Variants in LAMC2 observed in about 807,000 individuals in gnomAD.
The protein encoded by LAMC2 is laminin subunit gamma 2, also known as laminin subunit gamma-2.
A neutral mutation model predicts 140.2 loss-of-function variants in LAMC2; 97 were observed. That is an observed-to-expected ratio of 0.69 (90% CI 0.59 to 0.82). LAMC2 has a LOEUF of 0.82. Ranked by LOEUF, LAMC2 falls within the 40% of genes least tolerant of loss-of-function variation. The pLI, the probability that LAMC2 is intolerant of heterozygous loss-of-function variation, is 0.00. For synonymous variants in LAMC2, 513 were observed against 540.2 expected (o/e 0.95, Z 0.70); for missense variants, 1,402 against 1,476.1 (o/e 0.95, Z 0.82).
rs568351990 is a variant in LAMC2, at chr1:183,192,940, C to T, written c.79+6509C>T. ...ACGATGGTCTCAGGTCTCCTGACCTCGTGATCTGCCCGCCTCGGCCTCCCA... is the reference window on the plus strand; with the variant it reads ...ACGATGGTCTCAGGTCTCCTGACCTTGTGATCTGCCCGCCTCGGCCTCCCA... On this transcript the variant is annotated intron_variant, in intron 1 of 22. Transcript: ENST00000264144. 7.3e-4 allele frequency among the ~76,000 whole-genome samples: 111 copies of T among 152,234 alleles called. 1 individual carries two copies. Among genetic ancestry groups the T allele is most frequent in the African/African-American group, 2.3e-3 (97 of 41,536 alleles).
chr1:183,220,959 A>G lies in LAMC2; in HGVS notation c.638A>G (p.Gln213Arg). The G allele has an allele frequency of 6.2e-7, 1 of 1,614,120 alleles. No homozygotes were observed. Among genetic ancestry groups the G allele is most frequent in the South Asian group, 1.1e-5 (1 of 91,088 alleles). ...SVHKITSTFHQDVDGWKAVQR... is the reference protein window; with the variant it reads ...SVHKITSTFHRDVDGWKAVQR... ...CATAAGATCACCTCTACCTTTCATCAAGGTAAAGCCTTCTATTTTCTAGGT... is the reference window on the plus strand; with the variant it reads ...CATAAGATCACCTCTACCTTTCATCGAGGTAAAGCCTTCTATTTTCTAGGT... Residue 213 changes from glutamine (Q) to arginine (R), a missense_variant and splice_region_variant, in exon 5 of 23, where the codon CAA (glutamine) becomes CGA (arginine). Transcript: ENST00000264144.
In LAMC2 at chr1:183,222,209, C is replaced by T. The variant is rs375307364; in HGVS notation, c.761C>T (p.Pro254Leu). 1 of 1,614,076 alleles carries T rather than the reference C, an allele frequency of 6.2e-7. No homozygotes were observed. The highest frequency in any genetic ancestry group is 8.5e-7 in the Non-Finnish European group (1 of 1,179,956). Reference sequence around the variant, plus strand: ...CTAGACCCTGTCTATTTTGTGGCTCCTGGTATGTGAGGAATAATGTCTCCT... The same window carrying T: ...CTAGACCCTGTCTATTTTGTGGCTCTTGGTATGTGAGGAATAATGTCTCCT... ...QRLDPVYFVA[P>L]AKFLGNQQVS... Residue 254 changes from proline (P) to leucine (L), a missense_variant and splice_region_variant, in exon 6 of 23, where the codon CCT (proline) becomes CTT (leucine). Pro to Leu is a moderately conservative substitution (Grantham distance 98). Transcript: ENST00000264144.
chr1:183,232,086 A>G (rs914469501), intron 12 of LAMC2, 101 bp from the exon 13 acceptor site: 44 of 1,445,140 alleles, frequency 3.0e-5, no homozygotes, highest in Non-Finnish European at 4.0e-5. Flanking sequence ...CATGCTAAGC[A>G]TTTCTGGACT....
At chr1:183,213,747 C>CAAAA (rs1659149120) in intron 2 of LAMC2, among the ~76,000 whole-genome samples, 1 of 74,302 alleles carries the variant, frequency 1.3e-5, no homozygotes, top group African/African-American at 7.7e-5. Flanking sequence ...TTGCAGTGAG[C>CAAAA]CAAAAAAAAA....
intron 1 of LAMC2, among the ~76,000 whole-genome samples, chr1:183,187,366 A>G (rs561226840): frequency 6.6e-6 from 1 of 152,300 alleles, no homozygotes; most frequent in South Asian, 2.1e-4. Context: ...CCTGAATTGG[A>G]TTTGAGTGGC....
At chr1:183,240,789 C>G in intron 22 of LAMC2, 2 of 700,514 alleles carry the variant, frequency 2.9e-6, no homozygotes, top group Non-Finnish European at 3.6e-6. Flanking sequence ...ACTAGGGCAG[C>G]CGAGTGGAGG....
In LAMC2 at chr1:183,221,033, T is replaced by C. The variant is rs79397457; in HGVS notation, c.640+72T>C. 7,645 of 1,370,886 alleles carry C rather than the reference T, an allele frequency of 5.6e-3. 297 individuals are homozygous for C. The East Asian group carries it at 0.091, about 16-fold the overall frequency. 84.9% of individuals were successfully genotyped at this position (1,370,886 alleles called of 1,614,324 possible). A position where few individuals can be genotyped will look rare whatever the true frequency, so the allele number is the denominator to read the frequency against. ...GGCTTTGTGTTTAGAGACAACCACC[T>C]CCGCATTCACAGGATGGATTCTCTT... is the stretch of plus-strand genomic sequence containing the variant. On this transcript the variant is annotated intron_variant, in intron 5 of 22. Transcript: ENST00000264144.
chr1:183,253,253 T>C, the LAMC2 span, among the ~76,000 whole-genome samples: 1 of 148,038 alleles, frequency 6.8e-6, no homozygotes. Flanking sequence ...TATTTTATAA[T>C]TTATATATTA....
At chr1:183,223,052 T>C in intron 6 of LAMC2, 83 bp from the exon 7 acceptor site, 2 of 1,279,796 alleles carry the variant, frequency 1.6e-6, no homozygotes, top group South Asian at 1.2e-5. Context: ...TCAACAGAAA[T>C]TGCCGACACC....
intron 20 of LAMC2, 193 bp downstream of exon 20, chr1:183,239,756 GT>G: frequency 1.5e-6 from 1 of 647,320 alleles, no homozygotes; most frequent in Non-Finnish European, 2.7e-6. Flanking sequence ...TGTCCTCCGG[GT>G]TTTCCCAAAT....
chr1:183,188,007 G>A (rs993386798), intron 1 of LAMC2, among the ~76,000 whole-genome samples: 7 of 152,202 alleles, frequency 4.6e-5, no homozygotes, highest in South Asian at 4.2e-4. Flanking sequence ...TTAGCATTAG[G>A]GAACAAAAAT....
At chr1:183,213,378 T>C (rs1659131396) in intron 2 of LAMC2, among the ~76,000 whole-genome samples, 1 of 152,206 alleles carries the variant, frequency 6.6e-6, no homozygotes, top group African/African-American at 2.4e-5. Context: ...AGAACCGATA[T>C]CTTTATCGAT....
chr1:183,232,292 C>A lies in LAMC2; in HGVS notation c.1963C>A (p.Gln655Lys), dbSNP rs1473298117. 6.2e-7 allele frequency: 1 copy of A among 1,614,034 alleles called. No individual in the cohort carries two copies. The highest frequency in any genetic ancestry group is 2.2e-5 in the East Asian group (1 of 44,882). The change falls in exon 13 of 23, where the codon CAG (glutamine) becomes AAG (lysine). Residue 655 changes from glutamine (Q) to lysine (K), a missense_variant. Physicochemically the swap from Gln to Lys is moderately conservative, Grantham distance 53. Around this residue, in one of 3 missense-constraint regions of LAMC2, gnomAD observed 670 missense variants for 667.2 expected, o/e 1.00. Transcript: ENST00000264144. ...PDTELEGRMQ[Q>K]AEQALQDILR... is the part of the protein sequence containing the mutation. ...TACAGAGCTGGAAGGCAGGATGCAG[C>A]AGGCTGAGCAGGCCCTTCAGGACAT...
chr1:183,243,322 T>C lies in LAMC2; in HGVS notation c.3504T>C (p.Ala1168=), dbSNP rs1391819529. 6.2e-7 allele frequency: 1 copy of C among 1,614,170 alleles called. No individual in the cohort carries two copies. Among genetic ancestry groups the C allele is most frequent in the South Asian group, 1.1e-5 (1 of 91,078 alleles). Residue 1168 remains alanine, a synonymous_variant, in exon 23 of 23, where the codon GCT becomes GCC. Transcript: ENST00000264144. ...AGACAAGCATAGATGGGATTCTGGC[T>C]GATGTGAAGAACTTGGAGAACATTA... ...LLETSIDGIL[A]DVKNLENIRD...
At chr1:183,252,632 G>T in the LAMC2 span, 7 of 1,599,308 alleles carry the variant, frequency 4.4e-6, no homozygotes, top group Non-Finnish European at 6.0e-6. Flanking sequence ...GCCGGAGGAC[G>T]AGGGGCTGCT....
Position 183,207,949 on chromosome 1 carries a change from G to A in LAMC2, c.148G>A (p.Gly50Arg), listed in dbSNP as rs781646663. The A allele has an allele frequency of 1.2e-6, 2 of 1,613,526 alleles. No individual in the cohort carries two copies. The highest frequency in any genetic ancestry group is 1.7e-6 in the Non-Finnish European group (2 of 1,179,944). ...GGAACTTCACAGACAAACTGGTAAT[G>A]GATTCCGCTGCCTCAACTGCAATGA... ...DRELHRQTGN[G>R]FRCLNCNDNT... The change falls in exon 2 of 23, where the codon GGA (glycine) becomes AGA (arginine). Residue 50 changes from glycine to arginine, a missense_variant. By Grantham distance (125) the Gly-to-Arg change is moderately radical. This residue lies in a region of LAMC2 where 723 missense variants were observed against 783.3 expected (regional missense o/e 0.92). Coordinates refer to ENST00000264144, the MANE Select transcript of LAMC2 (RefSeq NM_005562.3).
intron 3 of LAMC2, 53 bp downstream of exon 3, chr1:183,215,641 A>G (rs1397098729): frequency 2.5e-6 from 4 of 1,608,864 alleles, no homozygotes; most frequent in Middle Eastern, 1.7e-4. Flanking sequence ...TGACAATTAT[A>G]TAAACCTTAG....
intron 2 of LAMC2, among the ~76,000 whole-genome samples, chr1:183,208,427 A>G (rs996558753): frequency 6.6e-6 from 1 of 152,116 alleles, no homozygotes; most frequent in Non-Finnish European, 1.5e-5. Context: ...GGAAGCTTGC[A>G]CTCTTTCAGG....
chr1:183,218,387 C>T lies in LAMC2; in HGVS notation c.405-3C>T, dbSNP rs1473552815. ...CCCTAATTTTCTTTTTCTTCTTCCC[C>T]AGAGACTCCAAGTGTGACTGTGACC... On this transcript the variant is annotated splice_region_variant and splice_polypyrimidine_tract_variant and intron_variant, in intron 3 of 22. Coordinates refer to ENST00000264144, the MANE Select transcript of LAMC2 (RefSeq NM_005562.3). 4 of 1,612,930 alleles carry T rather than the reference C, an allele frequency of 2.5e-6. No homozygotes were observed. In the Admixed American group the frequency reaches 6.7e-5, roughly 27 times the overall value.
Sources: allele counts gnomAD v4.1 joint callset (sites outside exome capture counted in the v4.1 genomes callset), GRCh38; gene constraint gnomAD v4.1.1; regional missense constraint gnomAD v4.1.1; transcripts MANE v1.5; gene names NCBI Gene and HGNC (gene_info 2026-07-23, HGNC 2026-07-21).